HOMER1: variants seen among roughly 807,000 people sequenced by gnomAD.
HOMER1 encodes the protein homer protein homolog 1.
In HOMER1, 3 loss-of-function variants were observed where a neutral mutation model predicts 48.9. The observed-to-expected ratio is 0.06, with a 90% CI of 0.03 to 0.16. HOMER1 has a LOEUF of 0.16. Among genes scored for constraint, HOMER1 ranks in the 10% least tolerant of loss-of-function variants. The probability of loss-of-function intolerance (pLI) is 1.00; values close to 1 mark genes in which losing one functional copy is unlikely to be tolerated. For synonymous variants in HOMER1, 134 were observed against 146.4 expected (o/e 0.92, Z 0.61); for missense variants, 247 against 411.4 (o/e 0.60, Z 3.46).
At chr5:79,393,268 A>C (rs1458996244) in intron 8 of HOMER1, among the ~76,000 whole-genome samples, 1 of 152,188 alleles carries the variant, frequency 6.6e-6, no homozygotes, top group Non-Finnish European at 1.5e-5. Context: ...GAAAATAAAA[A>C]ATGGTAATAC....
chr5:79,412,707 C>T lies in HOMER1; in HGVS notation c.528-10652G>A, dbSNP rs1580433124. ...ATAGGATATAAACAAGACCCAGTGT[C>T]TCATAACATAATAGACAAAATATCT... is the stretch of plus-strand genomic sequence containing the variant. On this transcript the variant is annotated intron_variant, in intron 5 of 8. Transcript: ENST00000334082. Among the ~76,000 whole-genome samples, 3 of 152,178 alleles carry T rather than the reference C, an allele frequency of 2.0e-5. No individual in the cohort carries two copies. In the South Asian group the frequency reaches 6.2e-4, roughly 32 times the overall value.
In HOMER1 at chr5:79,373,934, G is replaced by T. The variant is rs1042542288; in HGVS notation, c.*2075C>A. ...ATACAATTCAAATGGAGACATTTTG[G>T]TGAGTTTTTTCATTAAATGATCACT... On this transcript the variant is annotated 3_prime_UTR_variant, in exon 9 of 9. Transcript: ENST00000334082. The T allele has an allele frequency of 2.0e-5, 3 of 151,794 alleles. No individual in the cohort carries two copies. The highest frequency in any genetic ancestry group is 4.4e-5 in the Non-Finnish European group (3 of 67,828). 9.4% of individuals were successfully genotyped at this position (151,794 alleles called of 1,614,324 possible). A position where few individuals can be genotyped will look rare whatever the true frequency, so the allele number is the denominator to read the frequency against.
intron 4 of HOMER1, among the ~76,000 whole-genome samples, chr5:79,443,328 T>C (rs1466792416): frequency 2.0e-5 from 3 of 152,126 alleles, no homozygotes; most frequent in Admixed American, 6.6e-5. Flanking sequence ...TAATATAATA[T>C]CTAACATAGG....
chr5:79,395,678 T>C (rs1260381252), intron 8 of HOMER1, among the ~76,000 whole-genome samples: 1 of 152,218 alleles, frequency 6.6e-6, no homozygotes, highest in Non-Finnish European at 1.5e-5. Context: ...TTAAAGCCCA[T>C]GTCTTTGACT....
chr5:79,441,066 G>C (rs1750723318), intron 4 of HOMER1, among the ~76,000 whole-genome samples: 1 of 152,002 alleles, frequency 6.6e-6, no homozygotes, highest in South Asian at 2.1e-4. Context: ...AGGCTGAGGT[G>C]GAAGAATCGC....
At chr5:79,438,957 C>A in intron 5 of HOMER1, 53 bp downstream of exon 5, 2 of 1,484,074 alleles carry the variant, frequency 1.3e-6, no homozygotes, top group Non-Finnish European at 1.8e-6. Flanking sequence ...TGAAACCAAA[C>A]ATTTCCATAT....
At chr5:79,464,316 C>T (rs67927347) in intron 1 of HOMER1, among the ~76,000 whole-genome samples, 40,211 of 151,860 alleles carry the variant, frequency 0.26, 5,415 homozygotes, top group South Asian at 0.39. Context: ...AAAAACATCC[C>T]CCTTGATTTG....
chr5:79,383,878 G>A (rs1178859021), intron 8 of HOMER1, among the ~76,000 whole-genome samples: 2 of 151,988 alleles, frequency 1.3e-5, no homozygotes, highest in East Asian at 3.8e-4. Flanking sequence ...ACAAATATAT[G>A]AAAATTAAAC....
Position 79,376,186 on chromosome 5 carries a change from A to T in HOMER1, c.888T>A (p.Ile296=), listed in dbSNP as rs1040936999. Residue 296 remains isoleucine, a synonymous_variant, in exon 9 of 9, where the codon ATT becomes ATA. Transcript: ENST00000334082. Reference sequence around the variant, plus strand: ...GTTGTCCCTCCAGGTCTTTGTTCCGAATTTCTACTTCCTTCAGAAACAAAA... The same window carrying T: ...GTTGTCCCTCCAGGTCTTTGTTCCGTATTTCTACTTCCTTCAGAAACAAAA... ...SLTQKLQEVE[I]RNKDLEGQLS... 7.5e-6 allele frequency: 12 copies of T among 1,610,520 alleles called. No individual in the cohort carries two copies. The highest frequency in any genetic ancestry group is 1.0e-5 in the Non-Finnish European group (12 of 1,178,714).
intron 6 of HOMER1, among the ~76,000 whole-genome samples, chr5:79,400,780 T>G (rs1289853565): frequency 1.4e-5 from 2 of 147,410 alleles, no homozygotes; most frequent in African/African-American, 5.0e-5. Flanking sequence ...AGTCTTGCTC[T>G]GTCACCCAAG....
intron 1 of HOMER1, among the ~76,000 whole-genome samples, chr5:79,478,655 C>G (rs1358622661): frequency 1.3e-5 from 2 of 149,370 alleles, no homozygotes; most frequent in Non-Finnish European, 3.0e-5. Flanking sequence ...TCCAATCTCT[C>G]AAAAATCAAC....
chr5:79,388,078 G>A (rs977537839), intron 8 of HOMER1, among the ~76,000 whole-genome samples: 1 of 151,988 alleles, frequency 6.6e-6, no homozygotes, highest in Non-Finnish European at 1.5e-5. Flanking sequence ...ACCCCAAGAA[G>A]GAGAAAACCA....
At position 79,375,891 on chromosome 5, in the gene HOMER1, G is replaced by C; in HGVS notation, c.*118C>G. On this transcript the variant is annotated 3_prime_UTR_variant, in exon 9 of 9. Coordinates refer to ENST00000334082, the MANE Select transcript of HOMER1 (RefSeq NM_004272.5). ...AATTTCAAAAGATCCTCCTCCTGGA[G>C]GAGTGATATTCAATTTTTTTTTTTT... 1 of 521,474 alleles carries C rather than the reference G, an allele frequency of 1.9e-6. No individual in the cohort carries two copies. The highest frequency in any genetic ancestry group is 3.1e-6 in the Non-Finnish European group (1 of 319,726). 32.3% of individuals were successfully genotyped at this position (521,474 alleles called of 1,614,324 possible). A position where few individuals can be genotyped will look rare whatever the true frequency, so the allele number is the denominator to read the frequency against.
chr5:79,487,063 A>C (rs1358655093), intron 1 of HOMER1, among the ~76,000 whole-genome samples: 1 of 152,078 alleles, frequency 6.6e-6, no homozygotes. Context: ...GGAGGATCAC[A>C]AGGTCAAGAG....
chr5:79,491,361 C>T (rs1401307184), intron 1 of HOMER1, among the ~76,000 whole-genome samples: 2 of 149,726 alleles, frequency 1.3e-5, no homozygotes, highest in Non-Finnish European at 3.0e-5. Context: ...ATCACTAAAG[C>T]CCCGGAGGTT....
chr5:79,503,532 G>GAAA (rs1561390633), intron 1 of HOMER1, among the ~76,000 whole-genome samples: 5 of 94,024 alleles, frequency 5.3e-5, no homozygotes, highest in African/African-American at 1.5e-4. Context: ...CTGTCACAAA[G>GAAA]AGAAAAAAAA....
intron 1 of HOMER1, among the ~76,000 whole-genome samples, chr5:79,469,693 G>C (rs944502608): frequency 6.6e-6 from 1 of 151,804 alleles, no homozygotes; most frequent in Non-Finnish European, 1.5e-5. Flanking sequence ...TTAAGAGATG[G>C]GGTTATGTTG....
At chr5:79,438,876 T>TAAAAAA (rs78093840) in intron 5 of HOMER1, 134 bp downstream of exon 5, 2 of 489,480 alleles carry the variant, frequency 4.1e-6, no homozygotes, top group Non-Finnish European at 3.5e-6. Flanking sequence ...ACAGAAGCAG[T>TAAAAAA]AAAAAAAAAA....
intron 1 of HOMER1, among the ~76,000 whole-genome samples, chr5:79,504,148 C>G (rs759608181): frequency 6.6e-6 from 1 of 151,962 alleles, no homozygotes; most frequent in Non-Finnish European, 1.5e-5. Context: ...CCTGCGAGAT[C>G]TAGAATTTTT....
Sources: gnomAD v4.1 joint callset for allele counts (sites outside exome capture counted in the v4.1 genomes callset) on GRCh38, gnomAD v4.1.1 for gene constraint, MANE v1.5 for transcripts, NCBI Gene and HGNC (gene_info 2026-07-23, HGNC 2026-07-21) for gene names.